The following LRRC1 variants were observed in gnomAD, a reference collection of about 807,000 sequenced individuals.
LRRC1 encodes the protein leucine-rich repeat-containing protein 1.
A neutral mutation model predicts 69.9 loss-of-function variants in LRRC1; 28 were observed. The observed-to-expected ratio is 0.40, with a 90% CI of 0.30 to 0.55. The LOEUF (loss-of-function observed/expected upper bound fraction) is 0.55. LRRC1 is among the 20% of genes least tolerant of loss of function. LRRC1 has a pLI of 0.47. For synonymous variants in LRRC1, 236 were observed against 240.2 expected (o/e 0.98, Z 0.16); for missense variants, 498 against 609.0 (o/e 0.82, Z 1.92).
At chr6:53,910,413 A>C (rs985066366) in intron 10 of LRRC1, among the ~76,000 whole-genome samples, 6 of 152,164 alleles carry the variant, frequency 3.9e-5, no homozygotes, top group Admixed American at 1.3e-4. Context: ...CAAAATATAT[A>C]TGAATGATGT....
chr6:53,860,679 C>T (rs1301914932), intron 2 of LRRC1, among the ~76,000 whole-genome samples: 1 of 152,170 alleles, frequency 6.6e-6, no homozygotes, highest in Non-Finnish European at 1.5e-5. Flanking sequence ...ACCTCCTTTC[C>T]CCATCCGCAA....
At chr6:53,896,738 T>C in intron 5 of LRRC1, 91 bp from the exon 6 acceptor site, 1 of 1,009,216 alleles carries the variant, frequency 9.9e-7, no homozygotes, top group Non-Finnish European at 1.5e-6. Flanking sequence ...AAAATGGACC[T>C]TATTTTTGAA....
chr6:53,850,779 GGTGGTAAGAGGCTGTGC>G (rs1257444201), intron 2 of LRRC1, among the ~76,000 whole-genome samples: 3 of 152,220 alleles, frequency 2.0e-5, no homozygotes, highest in Non-Finnish European at 4.4e-5. Context: ...TGGGGAAGTA[GGTGGTAAGAGGCTGTGC>G]TCCATAGAGT....
chr6:53,801,418 T>A (rs191234578), intron 1 of LRRC1, among the ~76,000 whole-genome samples: 103 of 152,370 alleles, frequency 6.8e-4, no homozygotes, highest in African/African-American at 2.4e-3. Flanking sequence ...AACCTAGTTT[T>A]ATGTTTGGAC....
At chr6:53,868,526 A>G (rs1562051478) in intron 2 of LRRC1, among the ~76,000 whole-genome samples, 1 of 152,108 alleles carries the variant, frequency 6.6e-6, no homozygotes, top group Non-Finnish European at 1.5e-5. Flanking sequence ...GTGCCCAGCC[A>G]ATATGATGCT....
intron 1 of LRRC1, among the ~76,000 whole-genome samples, chr6:53,814,612 G>A (rs1179913411): frequency 6.6e-6 from 1 of 152,252 alleles, no homozygotes; most frequent in African/African-American, 2.4e-5. Context: ...TGTTTGCATA[G>A]TGCAGCCTGG....
intron 2 of LRRC1, among the ~76,000 whole-genome samples, chr6:53,878,649 G>A (rs1038399553): frequency 1.8e-4 from 27 of 152,164 alleles, no homozygotes; most frequent in Non-Finnish European, 3.1e-4. Flanking sequence ...TTGCTCACCC[G>A]CCTGCCGCTC....
rs138048541 is a variant in LRRC1 at position 53,845,913 on chromosome 6, C to G, written c.277+3686C>G. On this transcript the variant is annotated intron_variant, in intron 2 of 13. Coordinates refer to ENST00000370888, the MANE Select transcript of LRRC1 (RefSeq NM_018214.5). ...TCAGCAGCTTCCTGTGGTTAGGAGC[C>G]CACATTCACTCCCCTCAGGCACCCC... Among the ~76,000 whole-genome samples, 334 of 152,262 alleles carry G rather than the reference C, an allele frequency of 2.2e-3. 10 individuals carry two copies. In the East Asian group the frequency reaches 0.047, roughly 21 times the overall value.
intron 10 of LRRC1, among the ~76,000 whole-genome samples, chr6:53,908,070 C>T (rs1028844874): frequency 6.6e-6 from 1 of 152,086 alleles, no homozygotes; most frequent in Admixed American, 6.5e-5. Context: ...CTTAAAAACT[C>T]ATAGTGTTGG....
chr6:53,872,752 CTTTTTTT>C (rs537186693), intron 2 of LRRC1, among the ~76,000 whole-genome samples: 4 of 106,404 alleles, frequency 3.8e-5, no homozygotes, highest in Non-Finnish European at 5.7e-5. Flanking sequence ...TTTCTTTTCT[CTTTTTTT>C]TTTTTTTTTT....
chr6:53,832,848 AT>A (rs1233380403), intron 1 of LRRC1, among the ~76,000 whole-genome samples: 1 of 152,028 alleles, frequency 6.6e-6, no homozygotes, highest in South Asian at 2.1e-4. Context: ...TTTCTATTAC[AT>A]TTTTTAATAA....
chr6:53,842,312 T>C (rs1045968404), intron 2 of LRRC1, 85 bp downstream of exon 2: 4 of 855,404 alleles, frequency 4.7e-6, no homozygotes, highest in Admixed American at 2.1e-5. Context: ...AGTGAGAACA[T>C]GCGGTGTTTG....
intron 2 of LRRC1, among the ~76,000 whole-genome samples, chr6:53,872,966 A>C (rs548227992): frequency 6.6e-6 from 1 of 152,072 alleles, no homozygotes; most frequent in African/African-American, 2.4e-5. Flanking sequence ...CATGTTGGCC[A>C]ATCTGGTCTC....
At chr6:53,918,612 C>T (rs994986242) in intron 11 of LRRC1, among the ~76,000 whole-genome samples, 9 of 152,120 alleles carry the variant, frequency 5.9e-5, no homozygotes, top group African/African-American at 1.7e-4. Flanking sequence ...CTGTGTGTGT[C>T]TGATAATTCA....
intron 1 of LRRC1, among the ~76,000 whole-genome samples, chr6:53,834,358 G>A (rs773582624): frequency 7.9e-5 from 12 of 152,062 alleles, no homozygotes; most frequent in Non-Finnish European, 1.6e-4. Context: ...TCTTCCGCTC[G>A]CAACTTGTCA....
chr6:53,848,655 G>A (rs908963244), intron 2 of LRRC1, among the ~76,000 whole-genome samples: 4 of 152,166 alleles, frequency 2.6e-5, no homozygotes, highest in Non-Finnish European at 5.9e-5. Flanking sequence ...ATATATGGAA[G>A]AGTAAACTGC....
At chr6:53,853,094 G>A (rs1766191049) in intron 2 of LRRC1, among the ~76,000 whole-genome samples, 1 of 151,912 alleles carries the variant, frequency 6.6e-6, no homozygotes, top group South Asian at 2.1e-4. Flanking sequence ...TCTTTTTATT[G>A]TTCCATCTTC....
chr6:53,911,849 T>C (rs1488399620), intron 10 of LRRC1, among the ~76,000 whole-genome samples: 2 of 152,250 alleles, frequency 1.3e-5, no homozygotes, highest in Non-Finnish European at 2.9e-5. Context: ...TTTCCTTCCA[T>C]GATATTTCTG....
chr6:53,872,705 A>G (rs1397632690), intron 2 of LRRC1, among the ~76,000 whole-genome samples: 1 of 147,920 alleles, frequency 6.8e-6, no homozygotes, highest in African/African-American at 2.5e-5. Context: ...CATTGAATCT[A>G]TAGATTGCTT....
Sources: allele counts gnomAD v4.1 joint callset (sites outside exome capture counted in the v4.1 genomes callset), GRCh38; gene constraint gnomAD v4.1.1; transcripts MANE v1.5; gene names NCBI Gene and HGNC (gene_info 2026-07-23, HGNC 2026-07-21).